The following ATRN variants were observed in gnomAD, a reference collection of about 807,000 sequenced individuals.
ATRN encodes attractin, also known as attractin-2.
Under a neutral mutation model 178.7 loss-of-function variants are expected in ATRN, and 54 were observed. The observed-to-expected ratio is 0.30, with a 90% CI of 0.24 to 0.38. The LOEUF (loss-of-function observed/expected upper bound fraction) is 0.38, where lower values mean the gene tolerates loss of function less well. Among genes scored for constraint, ATRN ranks in the 10% least tolerant of loss-of-function variants. The probability of loss-of-function intolerance (pLI) is 1.00; values close to 1 mark genes in which losing one functional copy is unlikely to be tolerated. For missense variants in ATRN, 1,443 were observed against 1,815.1 expected, an observed-to-expected ratio of 0.79 and a Z score of 3.73; for synonymous variants, 636 against 663.0, an observed-to-expected ratio of 0.96 and a Z score of 0.63.
chr20:3,569,946 C>G (rs2086095862), intron 11 of ATRN, among the ~76,000 whole-genome samples: 1 of 151,986 alleles, frequency 6.6e-6, no homozygotes, highest in South Asian at 2.1e-4. Flanking sequence ...TGGTGCGTGC[C>G]TGTTGTCCCA....
chr20:3,528,002 G>A (rs1339301257), intron 1 of ATRN, among the ~76,000 whole-genome samples: 1 of 151,984 alleles, frequency 6.6e-6, no homozygotes, highest in African/African-American at 2.4e-5. Context: ...AAACCACCAT[G>A]GCACGTGTGT....
intron 3 of ATRN, among the ~76,000 whole-genome samples, chr20:3,542,628 TCCCTTC>T (rs144062271): frequency 0.27 from 33,450 of 122,704 alleles, 4,940 homozygotes; most frequent in African/African-American, 0.33. Flanking sequence ...CCCTTTTCCT[TCCCTTC>T]CCCTTCCCCT....
Position 3,512,256 on chromosome 20 carries a change from C to A in ATRN, c.411-22997C>A, listed in dbSNP as rs550529119. On this transcript the variant is annotated intron_variant, in intron 1 of 28. Transcript: ENST00000262919. ...ATATCTCCTAATGCTATCCCTCCCC[C>A]CTCCCCCCACGCCACAACAGGCCCC... Among the ~76,000 whole-genome samples the A allele has an allele frequency of 2.3e-5, 3 of 129,586 alleles. No individual in the cohort carries two copies. In the Admixed American group the frequency reaches 2.4e-4, roughly 10 times the overall value. 85.0% of individuals were successfully genotyped at this position (129,586 alleles called of 152,430 possible). A position where few individuals can be genotyped will look rare whatever the true frequency, so the allele number is the denominator to read the frequency against.
intron 1 of ATRN, among the ~76,000 whole-genome samples, chr20:3,491,318 C>A (rs1280099342): frequency 1.3e-5 from 2 of 152,160 alleles, no homozygotes; most frequent in Non-Finnish European, 2.9e-5. Flanking sequence ...TGCTAGAGAT[C>A]ATAGGGGCAG....
intron 25 of ATRN, 106 bp downstream of exon 25, chr20:3,624,678 C>T (rs2086922989): frequency 1.0e-6 from 1 of 978,484 alleles, no homozygotes; most frequent in South Asian, 1.5e-5. Flanking sequence ...TGTGTTTCCA[C>T]CACAGATTAA....
intron 21 of ATRN, among the ~76,000 whole-genome samples, chr20:3,596,633 C>T (rs780305292): frequency 5.3e-5 from 8 of 152,130 alleles, no homozygotes; most frequent in Non-Finnish European, 8.8e-5. Context: ...TTGGGGTTAA[C>T]GTTAATGTGT....
chr20:3,586,327 G>A (rs2086356558), intron 18 of ATRN, among the ~76,000 whole-genome samples: 1 of 152,206 alleles, frequency 6.6e-6, no homozygotes, highest in Non-Finnish European at 1.5e-5. Context: ...AAGAAGCCAG[G>A]TGCAAAAGAT....
chr20:3,551,330 A>T (rs1276938329), intron 6 of ATRN, among the ~76,000 whole-genome samples: 1 of 152,158 alleles, frequency 6.6e-6, no homozygotes, highest in Non-Finnish European at 1.5e-5. Context: ...GACTGGCTGG[A>T]TGGAGGTACA....
intron 11 of ATRN, among the ~76,000 whole-genome samples, chr20:3,568,766 CT>C (rs1168837226): frequency 2.0e-5 from 3 of 152,166 alleles, no homozygotes; most frequent in African/African-American, 7.2e-5. Flanking sequence ...GCCAACAGCA[CT>C]TTAACTCATG....
At chr20:3,500,409 C>T (rs2084942542) in intron 1 of ATRN, among the ~76,000 whole-genome samples, 1 of 151,964 alleles carries the variant, frequency 6.6e-6, no homozygotes, top group Admixed American at 6.6e-5. Flanking sequence ...TGGCACTATT[C>T]ACAATAGCAA....
At position 3,507,001 on chromosome 20, in the gene ATRN, G is replaced by GA. The variant is rs140031376; in HGVS notation, c.411-28247dup. Among the ~76,000 whole-genome samples the GA allele has an allele frequency of 9.4e-3, 1,424 of 150,974 alleles. 23 individuals are homozygous for GA. The highest frequency in any genetic ancestry group is 0.033 in the African/African-American group (1,349 of 41,230). ...TATAGAAGCACAGAGACAAAGGAATGAAAAATACTAGGTTGGTGCAAAAGT... is the reference window on the plus strand; with the variant it reads ...TATAGAAGCACAGAGACAAAGGAATGAAAAAATACTAGGTTGGTGCAAAAGT... On this transcript the variant is annotated intron_variant, in intron 1 of 28. Coordinates refer to ENST00000262919, the MANE Select transcript of ATRN (RefSeq NM_139321.3).
At chr20:3,640,339 A>G (rs2087058561) in intron 27 of ATRN, among the ~76,000 whole-genome samples, 1 of 152,232 alleles carries the variant, frequency 6.6e-6, no homozygotes, top group African/African-American at 2.4e-5. Context: ...AAGGAGATAG[A>G]AAGTACAATA....
intron 23 of ATRN, among the ~76,000 whole-genome samples, chr20:3,602,963 C>CA (rs3842439): frequency 0.032 from 1,297 of 40,858 alleles, 165 homozygotes; most frequent in Non-Finnish European, 0.036. Context: ...AATTCCATCT[C>CA]AAAAAAAAAA....
In ATRN at chr20:3,591,263, A is replaced by C. The variant is rs756404864; in HGVS notation, c.3279A>C (p.Ile1093=). 7 of 1,614,076 alleles carry C rather than the reference A, an allele frequency of 4.3e-6. No individual in the cohort carries two copies. In the East Asian group the frequency reaches 1.3e-4, roughly 31 times the overall value. The part of the protein sequence containing the change: ...LTTGKHCETC[I]SGFYGDPTNG... ...CAGGCAAGCACTGCGAGACCTGCAT[A>C]TCTGGCTTCTACGGTGATCCCACCA... The change falls in exon 19 of 29, where the codon ATA becomes ATC. Residue 1093 remains isoleucine (I), a synonymous_variant. Coordinates refer to ENST00000262919, the MANE Select transcript of ATRN (RefSeq NM_139321.3).
At chr20:3,612,419 A>T (rs1222840520) in intron 24 of ATRN, among the ~76,000 whole-genome samples, 1 of 152,188 alleles carries the variant, frequency 6.6e-6, no homozygotes, top group Non-Finnish European at 1.5e-5. Context: ...GTTTTAAAGG[A>T]GCTTATCTGA....
intron 24 of ATRN, among the ~76,000 whole-genome samples, chr20:3,618,748 C>T (rs1026183779): frequency 1.6e-4 from 24 of 152,180 alleles, no homozygotes; most frequent in African/African-American, 4.6e-4. Context: ...GCATTAGGTG[C>T]GTGGTGTGTG....
intron 22 of ATRN, among the ~76,000 whole-genome samples, chr20:3,598,870 A>G (rs1040883485): frequency 1.3e-5 from 2 of 152,258 alleles, no homozygotes; most frequent in South Asian, 2.1e-4. Flanking sequence ...TTCCATTAAC[A>G]ATAAATGTGA....
At chr20:3,596,276 C>T (rs2086527386) in intron 20 of ATRN, 101 bp from the exon 21 acceptor site, 2 of 1,241,850 alleles carry the variant, frequency 1.6e-6, no homozygotes, top group Non-Finnish European at 2.3e-6. Context: ...TATAATGGCT[C>T]CAGACTATCT....
At chr20:3,523,747 A>G (rs2085327103) in intron 1 of ATRN, among the ~76,000 whole-genome samples, 1 of 152,226 alleles carries the variant, frequency 6.6e-6, no homozygotes, top group Non-Finnish European at 1.5e-5. Context: ...GCCAGAAGAG[A>G]GTGGGGGCCA....
Sources: allele counts gnomAD v4.1 joint callset (sites outside exome capture counted in the v4.1 genomes callset), GRCh38; gene constraint gnomAD v4.1.1; transcripts MANE v1.5; gene names NCBI Gene and HGNC (gene_info 2026-07-23, HGNC 2026-07-21).